ZSCAN5A: variants seen among roughly 807,000 people sequenced by gnomAD.
ZSCAN5A encodes zinc finger and SCAN domain containing 5A.
Under a neutral mutation model 23.7 loss-of-function variants are expected in ZSCAN5A, and 12 were observed. That is an observed-to-expected ratio of 0.51 (90% confidence interval 0.32 to 0.82). The LOEUF is 0.82. Ranked by LOEUF, ZSCAN5A falls within the 40% of genes least tolerant of loss-of-function variation. The probability of loss-of-function intolerance (pLI) is 0.03; values close to 1 mark genes in which losing one functional copy is unlikely to be tolerated. For missense variants in ZSCAN5A, 597 were observed against 617.9 expected (o/e 0.97, Z 0.36); for synonymous variants, 257 against 239.9 (o/e 1.07, Z -0.66).
chr19:56,311,347 T>A (rs1175426265), intron 2 of ZSCAN5A, among the ~76,000 whole-genome samples: 3 of 152,256 alleles, frequency 2.0e-5, no homozygotes, highest in African/African-American at 7.2e-5. Context: ...AACAATTCTT[T>A]GCTGATGCAC....
chr19:56,353,674 C>T (rs978510161), intron 2 of ZSCAN5A, among the ~76,000 whole-genome samples: 7 of 151,762 alleles, frequency 4.6e-5, no homozygotes, highest in African/African-American at 1.2e-4. Context: ...CCCAGCTACT[C>T]GGAAGGCTGA....
intron 2 of ZSCAN5A, among the ~76,000 whole-genome samples, chr19:56,330,500 T>A (rs1472579908): frequency 6.6e-6 from 1 of 152,188 alleles, no homozygotes; most frequent in Non-Finnish European, 1.5e-5. Flanking sequence ...ATCTCTTGTT[T>A]TTTTTACTTT....
chr19:56,280,505 A>T (rs957055213), intron 2 of ZSCAN5A: 5 of 152,188 alleles, frequency 3.3e-5, no homozygotes, highest in Admixed American at 1.3e-4. Context: ...ATGTAGAATT[A>T]TATCTATATA....
intron 4 of ZSCAN5A, 21 bp from the exon 5 acceptor site, chr19:56,222,762 G>A (rs780978212): frequency 6.2e-7 from 1 of 1,614,104 alleles, no homozygotes; most frequent in South Asian, 1.1e-5. Context: ...AAAACCAAGA[G>A]TAATGACTGC....
At chr19:56,268,792 C>A (rs2037645855) in intron 2 of ZSCAN5A, among the ~76,000 whole-genome samples, 1 of 152,190 alleles carries the variant, frequency 6.6e-6, no homozygotes, top group South Asian at 2.1e-4. Context: ...CTTTCCCTCC[C>A]CATTCCTAGT....
chr19:56,289,449 G>A (rs1031201300), intron 2 of ZSCAN5A, among the ~76,000 whole-genome samples: 1 of 152,130 alleles, frequency 6.6e-6, no homozygotes, highest in Non-Finnish European at 1.5e-5. Context: ...GAAGACAGAC[G>A]TATTTATACT....
chr19:56,239,637 T>C (rs1345639296), intron 2 of ZSCAN5A, among the ~76,000 whole-genome samples: 1 of 152,168 alleles, frequency 6.6e-6, no homozygotes, highest in Non-Finnish European at 1.5e-5. Context: ...AAGCAAAGCT[T>C]TTCCATGTGA....
intron 2 of ZSCAN5A, chr19:56,321,968 A>G: frequency 2.6e-6 from 2 of 780,502 alleles, no homozygotes; most frequent in Admixed American, 3.4e-5. Flanking sequence ...ACCACCATGG[A>G]TCAAATTAGT....
At chr19:56,290,345 T>C (rs929730852) in intron 2 of ZSCAN5A, among the ~76,000 whole-genome samples, 1 of 152,230 alleles carries the variant, frequency 6.6e-6, no homozygotes, top group Non-Finnish European at 1.5e-5. Context: ...CTTTGTGCTC[T>C]AATGGCAGAG....
chr19:56,357,296 T>C (rs2041705644), intron 2 of ZSCAN5A, among the ~76,000 whole-genome samples: 1 of 148,792 alleles, frequency 6.7e-6, no homozygotes, highest in African/African-American at 2.5e-5. Context: ...TCTTGCCTCA[T>C]GCATGCGAAG....
upstream of ZSCAN5A, chr19:56,317,450 T>C (rs2041328609): frequency 1.3e-5 from 2 of 152,168 alleles, no homozygotes; most frequent in South Asian, 2.1e-4. Context: ...TAGAAGGCAG[T>C]GACGGAGCCC....
At chr19:56,244,955 G>A (rs186324833) in intron 2 of ZSCAN5A, among the ~76,000 whole-genome samples, 217 of 135,682 alleles carry the variant, frequency 1.6e-3, no homozygotes, top group South Asian at 2.8e-3. Flanking sequence ...AGCTGCCATC[G>A]GCCAATTGAG....
intron 2 of ZSCAN5A, among the ~76,000 whole-genome samples, chr19:56,273,409 C>T (rs2038001591): frequency 6.6e-6 from 1 of 152,160 alleles, no homozygotes; most frequent in Admixed American, 6.6e-5. Context: ...CTCATTCGAT[C>T]CACAAATGTT....
At chr19:56,228,476 ATGCCTACTG>A (rs1255514070) in intron 2 of ZSCAN5A, 2 of 974,696 alleles carry the variant, frequency 2.1e-6, no homozygotes, top group Non-Finnish European at 2.4e-6. Flanking sequence ...TGTACTAAAC[ATGCCTACTG>A]TGCAAATATT....
At chr19:56,251,374 C>A (rs576229359) in intron 2 of ZSCAN5A, among the ~76,000 whole-genome samples, 3 of 152,092 alleles carry the variant, frequency 2.0e-5, no homozygotes, top group South Asian at 4.1e-4. Flanking sequence ...CACTTTCTAG[C>A]GTATTCTTTC....
intron 2 of ZSCAN5A, among the ~76,000 whole-genome samples, chr19:56,307,119 C>T (rs2040738818): frequency 9.1e-6 from 1 of 109,504 alleles, no homozygotes; most frequent in Admixed American, 9.9e-5. Flanking sequence ...CAAAGAGGCT[C>T]CTCCCTGGCC....
chr19:56,320,132 G>A (rs1173108428), intron 2 of ZSCAN5A: 2 of 758,160 alleles, frequency 2.6e-6, no homozygotes, highest in South Asian at 1.4e-5. Context: ...TAACTGTTCT[G>A]ATCAAAGTTT....
Position 56,326,178 on chromosome 19 carries a change from C to T in ZSCAN5A, c.-357-9910G>A, listed in dbSNP as rs1445974630. Among the ~76,000 whole-genome samples the T allele has an allele frequency of 4.6e-5, 7 of 151,944 alleles. No homozygotes were observed. In the South Asian group the frequency reaches 6.2e-4, roughly 14 times the overall value. On this transcript the variant is annotated intron_variant, in intron 2 of 6. Coordinates refer to the ZSCAN5A transcript ENST00000587340. ...GGTCTCGATCTCCTGACCTCGTGAT[C>T]GGCCCGCCTCGGCCTCCCAAAATGC...
intron 2 of ZSCAN5A, among the ~76,000 whole-genome samples, chr19:56,291,726 C>T (rs958013012): frequency 4.6e-5 from 7 of 152,098 alleles, no homozygotes; most frequent in Non-Finnish European, 1.0e-4. Context: ...GATCAACTCT[C>T]AGCTTTTGAC....
Sources: allele counts gnomAD v4.1 joint callset (sites outside exome capture counted in the v4.1 genomes callset), GRCh38; gene constraint gnomAD v4.1.1; transcripts MANE v1.5; gene names NCBI Gene and HGNC (gene_info 2026-07-23, HGNC 2026-07-21).